Variants in RBPJ observed in about 807,000 individuals in gnomAD.
RBPJ encodes the protein recombination signal binding protein for immunoglobulin kappa J region.
In RBPJ, 9 loss-of-function variants were observed where a neutral mutation model predicts 67.8. The ratio of observed to expected loss-of-function variants is 0.13; its 90% confidence interval spans 0.08 to 0.23. The LOEUF is 0.23. RBPJ is among the 10% of genes least tolerant of loss of function. The pLI is 1.00. For synonymous variants in RBPJ, 198 were observed against 203.3 expected, an observed-to-expected ratio of 0.97 and a Z score of 0.22; for missense variants, 305 against 595.6, an observed-to-expected ratio of 0.51 and a Z score of 5.08.
At chr4:26,379,983 G>T (rs181116579) in intron 1 of RBPJ, among the ~76,000 whole-genome samples, 258 of 152,230 alleles carry the variant, frequency 1.7e-3, no homozygotes, top group Non-Finnish European at 3.0e-3. Context: ...AGGACAACTG[G>T]TTATACCTAG....
At chr4:26,246,292 T>G (rs2091935104) in intron 1 of RBPJ, among the ~76,000 whole-genome samples, 1 of 152,196 alleles carries the variant, frequency 6.6e-6, no homozygotes, top group South Asian at 2.1e-4. Context: ...TTTGTTAAAT[T>G]TATTCCGAAG....
At chr4:26,159,981 C>T (rs1049535397), upstream of RBPJ, among the ~76,000 whole-genome samples, 1 of 151,630 alleles carries the variant, frequency 6.6e-6, no homozygotes, top group Non-Finnish European at 1.5e-5. Flanking sequence ...TGCAGTGGCG[C>T]GATCTTGGCT....
At chr4:26,212,734 A>G (rs1718473411) in intron 1 of RBPJ, among the ~76,000 whole-genome samples, 1 of 152,110 alleles carries the variant, frequency 6.6e-6, no homozygotes, top group African/African-American at 2.4e-5. Context: ...CAGAGAGGCC[A>G]AGCAGAATCT....
chr4:26,280,769 G>C (rs1203798489), intron 1 of RBPJ, among the ~76,000 whole-genome samples: 2 of 152,072 alleles, frequency 1.3e-5, no homozygotes, highest in Non-Finnish European at 2.9e-5. Flanking sequence ...AAATACAGCT[G>C]CATTAAAATG....
At chr4:26,332,488 C>G (rs1439017738) in intron 1 of RBPJ, among the ~76,000 whole-genome samples, 1 of 152,054 alleles carries the variant, frequency 6.6e-6, no homozygotes, top group Non-Finnish European at 1.5e-5. Context: ...ATTTAAAAGG[C>G]ATTTATTTAA....
chr4:26,396,812 G>C (rs190134340), intron 2 of RBPJ, among the ~76,000 whole-genome samples: 2 of 152,220 alleles, frequency 1.3e-5, no homozygotes, highest in Admixed American at 1.3e-4. Context: ...AAAAAGAGAG[G>C]ATTGAAGTGA....
At chr4:26,397,390 G>A (rs1348292812) in intron 2 of RBPJ, among the ~76,000 whole-genome samples, 1 of 152,116 alleles carries the variant, frequency 6.6e-6, no homozygotes, top group African/African-American at 2.4e-5. Context: ...ACCCTCAGTT[G>A]TTCATAAGTC....
At chr4:26,112,164 G>A in the RBPJ span, 127 of 153,108 alleles carry the variant, frequency 8.3e-4, no homozygotes, top group African/African-American at 2.9e-3. Context: ...GTATTTTTGG[G>A]AGCTTGTGTT....
At chr4:26,279,595 T>G (rs2109273319) in intron 1 of RBPJ, among the ~76,000 whole-genome samples, 1 of 152,200 alleles carries the variant, frequency 6.6e-6, no homozygotes, top group South Asian at 2.1e-4. Flanking sequence ...TTTTCAATGT[T>G]TACACAAATT....
At chr4:26,317,215 G>A (rs1404873344), upstream of RBPJ, among the ~76,000 whole-genome samples, 1 of 151,834 alleles carries the variant, frequency 6.6e-6, no homozygotes, top group Non-Finnish European at 1.5e-5. Context: ...GGGGGATAAG[G>A]AGTATGGGAG....
chr4:26,272,749 T>A, intron 1 of RBPJ: 1 of 452,066 alleles, frequency 2.2e-6, no homozygotes. Flanking sequence ...CCAACCATAT[T>A]TGAAACCATG....
intron 1 of RBPJ, among the ~76,000 whole-genome samples, chr4:26,171,718 G>A (rs935672775): frequency 2.6e-5 from 4 of 152,188 alleles, no homozygotes; most frequent in Non-Finnish European, 4.4e-5. Context: ...TCCTTTATTA[G>A]AGCATCCAAG....
rs1435288890 is a variant in RBPJ at position 26,255,285 on chromosome 4, T to C, written c.-167+91671T>C. Among the ~76,000 whole-genome samples, 5 of 132,884 alleles carry C rather than the reference T, an allele frequency of 3.8e-5. No individual in the cohort carries two copies. In the East Asian group the frequency reaches 1.1e-3, roughly 30 times the overall value. The allele number at this position is 132,884 out of a possible 152,430, so 87.2% of individuals were successfully genotyped here. A position where few individuals can be genotyped will look rare whatever the true frequency, so the allele number is the denominator to read the frequency against. ...CGGGCGTGGTGGCGGGCGCCTGTAG[T>C]CCCAGCTACTCGGGAGGCTGAGGCA... On this transcript the variant is annotated intron_variant, in intron 1 of 4. Coordinates refer to the RBPJ transcript ENST00000512351.
At chr4:26,157,108 C>CAA in the RBPJ span, among the ~76,000 whole-genome samples, 2 of 117,814 alleles carry the variant, frequency 1.7e-5, no homozygotes, top group Admixed American at 1.8e-4. Flanking sequence ...CAAAAACAAA[C>CAA]AAACAAACAA....
intron 3 of RBPJ, among the ~76,000 whole-genome samples, chr4:26,409,656 C>G (rs1326922228): frequency 6.6e-6 from 1 of 152,146 alleles, no homozygotes; most frequent in Non-Finnish European, 1.5e-5. Context: ...CCCACCACCA[C>G]GCACAGCTAA....
chr4:26,215,337 G>GAA (rs1373370818), intron 1 of RBPJ, among the ~76,000 whole-genome samples: 2 of 79,120 alleles, frequency 2.5e-5, no homozygotes, highest in African/African-American at 6.3e-5. Context: ...AAAAGAGAGA[G>GAA]AGAAAGAAAG....
At chr4:26,359,413 A>ATTTTTTTTTTTTTTTTTTTTTTTTTT (rs56112785) in intron 1 of RBPJ, among the ~76,000 whole-genome samples, 1 of 129,078 alleles carries the variant, frequency 7.7e-6, no homozygotes, top group Non-Finnish European at 1.6e-5. Context: ...TAACACCTTC[A>ATTTTTTTTTTTTTTTTTTTTTTTTTT]TTTTTTTTTT....
At chr4:26,390,756 C>T (rs1450110000) in intron 2 of RBPJ, among the ~76,000 whole-genome samples, 2 of 152,056 alleles carry the variant, frequency 1.3e-5, no homozygotes. Context: ...GGTAGAAGAC[C>T]TAATATTGTT....
intron 1 of RBPJ, among the ~76,000 whole-genome samples, chr4:26,190,230 G>A (rs924368766): frequency 3.3e-5 from 5 of 152,202 alleles, no homozygotes; most frequent in Non-Finnish European, 5.9e-5. Context: ...TGAGAGCAGT[G>A]CTGGTTTAGA....
Sources: gnomAD v4.1 joint callset for allele counts (sites outside exome capture counted in the v4.1 genomes callset) on GRCh38, gnomAD v4.1.1 for gene constraint, MANE v1.5 for transcripts, NCBI Gene and HGNC (gene_info 2026-07-23, HGNC 2026-07-21) for gene names.